Variants in TNIK observed in about 807,000 individuals in gnomAD.
TNIK encodes TRAF2 and NCK interacting kinase.
TNIK carries 49 observed loss-of-function variants against 191.3 expected under a neutral mutation model. The ratio of observed to expected loss-of-function variants is 0.26; its 90% CI spans 0.20 to 0.32. The LOEUF (loss-of-function observed/expected upper bound fraction) is 0.32. Among genes scored for constraint, TNIK ranks in the 10% least tolerant of loss-of-function variants. The pLI is 1.00. For missense variants in TNIK, 1,155 were observed against 1,702.3 expected (o/e 0.68, Z 5.66); for synonymous variants, 594 against 600.9 (o/e 0.99, Z 0.17).
chr3:171,440,930 C>G (rs1031641533), intron 1 of TNIK, among the ~76,000 whole-genome samples: 3 of 152,164 alleles, frequency 2.0e-5, no homozygotes, highest in African/African-American at 7.2e-5. Flanking sequence ...AAAGTCCTTT[C>G]TCTACAGGAG....
intron 4 of TNIK, 118 bp downstream of exon 4, chr3:171,210,998 T>TG: frequency 3.9e-6 from 5 of 1,278,854 alleles, no homozygotes; most frequent in Non-Finnish European, 5.4e-6. Flanking sequence ...ACGGACATCA[T>TG]GGGGGCTAAT....
chr3:171,297,030 G>A (rs964631677), intron 2 of TNIK, among the ~76,000 whole-genome samples: 1 of 151,884 alleles, frequency 6.6e-6, no homozygotes, highest in African/African-American at 2.4e-5. Context: ...TCCCTGATGT[G>A]CAGTTTACCG....
Position 171,059,009 on chromosome 3 carries a change from G to A in TNIK, c.*4872C>T, listed in dbSNP as rs1011242406. Among the ~76,000 whole-genome samples, 1 of 152,100 alleles carries A rather than the reference G, an allele frequency of 6.6e-6. No individual in the cohort carries two copies. Among genetic ancestry groups the A allele is most frequent in the Non-Finnish European group, 1.5e-5 (1 of 68,006 alleles). ...AGAGATAAGGGAAAGGGGTAGCTGG[G>A]CATGATATTTACAGTGTACAAATAA... On this transcript the variant is annotated 3_prime_UTR_variant, in exon 33 of 33. Transcript: ENST00000436636.
At chr3:171,138,892 TAAATAA>T (rs1730395882) in intron 14 of TNIK, among the ~76,000 whole-genome samples, 1 of 152,110 alleles carries the variant, frequency 6.6e-6, no homozygotes, top group African/African-American at 2.4e-5. Flanking sequence ...AGAATGCCAT[TAAATAA>T]AAAGTTCAGT....
chr3:171,173,067 G>A (rs1735513917), intron 9 of TNIK, among the ~76,000 whole-genome samples: 1 of 152,026 alleles, frequency 6.6e-6, no homozygotes, highest in Non-Finnish European at 1.5e-5. Flanking sequence ...AAAAAGGGGT[G>A]GTGTAGACCA....
chr3:171,178,961 G>A (rs554047564), intron 7 of TNIK, among the ~76,000 whole-genome samples: 9 of 152,198 alleles, frequency 5.9e-5, no homozygotes, highest in African/African-American at 2.2e-4. Context: ...ATGACACTCA[G>A]GGCTCTTCAG....
chr3:171,121,967 A>G (rs1297868962), intron 18 of TNIK, among the ~76,000 whole-genome samples: 2 of 152,106 alleles, frequency 1.3e-5, no homozygotes, highest in African/African-American at 4.8e-5. Flanking sequence ...CTAAATAGAA[A>G]AATGTTAGCT....
chr3:171,377,641 G>A (rs74709758), intron 1 of TNIK, among the ~76,000 whole-genome samples: 9,415 of 152,276 alleles, frequency 0.062, 366 homozygotes, highest in Middle Eastern at 0.19. Context: ...AAACTAAGGC[G>A]TCAAGGAATT....
chr3:171,263,403 A>G lies in TNIK; in HGVS notation c.124-35182T>C, dbSNP rs191431271. Among the ~76,000 whole-genome samples the G allele has an allele frequency of 2.0e-5, 3 of 152,332 alleles. No homozygotes were observed. In the East Asian group the frequency reaches 5.8e-4, roughly 29 times the overall value. On this transcript the variant is annotated intron_variant, in intron 2 of 32. Transcript: ENST00000436636. Reference sequence around the variant, plus strand: ...GTTAAGGAAGGGCATTAGGAGAAATAAGACGTTTACACTGACTGTACCAGA... The same window carrying G: ...GTTAAGGAAGGGCATTAGGAGAAATGAGACGTTTACACTGACTGTACCAGA...
chr3:171,270,008 T>C (rs1748884648), intron 2 of TNIK, among the ~76,000 whole-genome samples: 1 of 152,284 alleles, frequency 6.6e-6, no homozygotes. Context: ...GATTCCTCCA[T>C]CTCAATAGAA....
chr3:171,207,481 T>C (rs1740242356), intron 4 of TNIK, among the ~76,000 whole-genome samples: 1 of 152,070 alleles, frequency 6.6e-6, no homozygotes, highest in Non-Finnish European at 1.5e-5. Context: ...ATAATAGACA[T>C]GAGCCACCAT....
intron 7 of TNIK, among the ~76,000 whole-genome samples, chr3:171,186,538 A>T (rs1737389515): frequency 6.6e-6 from 1 of 152,210 alleles, no homozygotes; most frequent in South Asian, 2.1e-4. Flanking sequence ...CCCATGGCAT[A>T]TAACCAGTGA....
chr3:171,221,954 T>C (rs2108963147), intron 3 of TNIK, among the ~76,000 whole-genome samples: 1 of 152,276 alleles, frequency 6.6e-6, no homozygotes, highest in South Asian at 2.1e-4. Context: ...ATTGTCTGTC[T>C]TATTCAGTGA....
At chr3:171,280,948 A>G (rs1328472939) in intron 2 of TNIK, among the ~76,000 whole-genome samples, 1 of 152,226 alleles carries the variant, frequency 6.6e-6, no homozygotes, top group African/African-American at 2.4e-5. Context: ...AATCTAGAAC[A>G]CTCAGTAAAG....
At chr3:171,273,050 T>C (rs1749312986) in intron 2 of TNIK, among the ~76,000 whole-genome samples, 1 of 152,216 alleles carries the variant, frequency 6.6e-6, no homozygotes, top group African/African-American at 2.4e-5. Context: ...CCATGGCTGC[T>C]AGGGCCAGTG....
At chr3:171,130,760 A>G (rs908961953) in intron 15 of TNIK, among the ~76,000 whole-genome samples, 19 of 152,230 alleles carry the variant, frequency 1.2e-4, no homozygotes, top group African/African-American at 3.9e-4. Context: ...ATACATAAGC[A>G]TCCTTCAGTG....
chr3:171,182,425 A>T (rs900538967), intron 7 of TNIK, among the ~76,000 whole-genome samples: 1 of 152,144 alleles, frequency 6.6e-6, no homozygotes, highest in African/African-American at 2.4e-5. Flanking sequence ...GAGACAAGCA[A>T]GGGAAGATGG....
At chr3:171,246,852 T>A (rs1745648131) in intron 2 of TNIK, among the ~76,000 whole-genome samples, 1 of 152,124 alleles carries the variant, frequency 6.6e-6, no homozygotes, top group African/African-American at 2.4e-5. Flanking sequence ...TGGCCAAAAG[T>A]TCCACAGAGC....
chr3:171,187,847 T>G (rs1737553892), intron 7 of TNIK, among the ~76,000 whole-genome samples: 2 of 152,136 alleles, frequency 1.3e-5, no homozygotes, highest in South Asian at 2.1e-4. Context: ...GCAGATCAAG[T>G]TTTGCCCAAG....
Sources: allele counts gnomAD v4.1 joint callset (sites outside exome capture counted in the v4.1 genomes callset), GRCh38; gene constraint gnomAD v4.1.1; transcripts MANE v1.5; gene names NCBI Gene and HGNC (gene_info 2026-07-23, HGNC 2026-07-21).